RUSC2: variants seen among roughly 807,000 people sequenced by gnomAD.
The protein encoded by RUSC2 is AP-4 complex accessory subunit RUSC2.
Under a neutral mutation model 122.2 loss-of-function variants are expected in RUSC2, and 34 were observed. That is an observed-to-expected ratio of 0.28 (90% CI 0.21 to 0.37). RUSC2 has a LOEUF of 0.37. Among genes scored for constraint, RUSC2 ranks in the 10% least tolerant of loss-of-function variants. The pLI is 1.00. For missense variants in RUSC2, 1,747 were observed against 1,952.4 expected (o/e 0.89, Z 1.98); for synonymous variants, 784 against 790.0 (o/e 0.99, Z 0.13).
rs1261468137 is a variant in RUSC2 at position 35,557,925 on chromosome 9, G to A, written c.2995G>A (p.Ala999Thr). 4 of 1,614,210 alleles carry A rather than the reference G, an allele frequency of 2.5e-6. No individual in the cohort carries two copies. Among genetic ancestry groups the A allele is most frequent in the Non-Finnish European group, 3.4e-6 (4 of 1,180,024 alleles). ...DLLQKKGLVK[A>T]VNIAVDLIVA... ...ATTCTTCCCTGCAGGGCTGGTAAAA[G>A]CTGTTAACATCGCTGTGGACCTCAT... The change falls in exon 6 of 12, where the codon GCT (alanine) becomes ACT (threonine). Residue 999 changes from alanine (A) to threonine (T), a missense_variant. Ala to Thr is a moderately conservative substitution (Grantham distance 58). Coordinates refer to ENST00000361226, the MANE Select transcript of RUSC2 (RefSeq NM_014806.5). This position sits in a 1 kb window ranked among gnomAD's most constrained non-coding sequence, Gnocchi z 4.6.
rs773142366 is a variant in RUSC2 at position 35,561,427 on chromosome 9, G to GACTC, written c.*47_*50dup. 6.0e-6 allele frequency: 9 copies of GACTC among 1,511,774 alleles called. No individual in the cohort carries two copies. The Admixed American group carries it at 1.2e-4, about 20-fold the overall frequency. 93.6% of individuals were successfully genotyped at this position (1,511,774 alleles called of 1,614,324 possible). On this transcript the variant is annotated 3_prime_UTR_variant, in exon 12 of 12. Coordinates refer to ENST00000361226, the MANE Select transcript of RUSC2 (RefSeq NM_014806.5). ...GCCTCAGGGACCCTCATAACCCCCA[G>GACTC]ACTCAGAGCCCGAGAGCCCTTCCCA...
chr9:35,514,056 T>C (rs985179299), intron 1 of RUSC2, among the ~76,000 whole-genome samples: 12 of 151,794 alleles, frequency 7.9e-5, no homozygotes, highest in African/African-American at 2.4e-4. Context: ...CTTGAAAATT[T>C]CATTAATTCA....
chr9:35,522,959 C>G (rs868571722), intron 1 of RUSC2, among the ~76,000 whole-genome samples: 1 of 152,168 alleles, frequency 6.6e-6, no homozygotes, highest in Non-Finnish European at 1.5e-5. Flanking sequence ...GGTGAAAGGT[C>G]AGCAGAGTGA....
At chr9:35,543,483 G>C (rs1564261017) in intron 1 of RUSC2, among the ~76,000 whole-genome samples, 1 of 152,178 alleles carries the variant, frequency 6.6e-6, no homozygotes, top group Non-Finnish European at 1.5e-5. Flanking sequence ...ATACAAATTA[G>C]AAAATACAGC....
Position 35,546,693 on chromosome 9 carries a change from G to A in RUSC2, c.172G>A (p.Asp58Asn). The change falls in exon 2 of 12, where the codon GAC (aspartate) becomes AAC (asparagine). Residue 58 changes from aspartate (D) to asparagine (N), a missense_variant. By Grantham distance (23) the Asp-to-Asn change is conservative. Transcript: ENST00000361226. The surrounding 1 kb of genome is among the most constrained non-coding windows in gnomAD (Gnocchi z 4.3). ...GCTGGGCATCACCCAGCCCGATCAA[G>A]ACCTAGGACAAGCTGACTCCCTGCT... is the stretch of plus-strand genomic sequence containing the variant. ...PELGITQPDQDLGQADSLLFS... is the reference protein window; with the variant it reads ...PELGITQPDQNLGQADSLLFS... 3 of 1,561,458 alleles carry A rather than the reference G, an allele frequency of 1.9e-6. No homozygotes were observed. The South Asian group carries it at 3.7e-5, about 19-fold the overall frequency.
chr9:35,516,022 AAG>A (rs562839170), intron 1 of RUSC2, among the ~76,000 whole-genome samples: 35 of 127,194 alleles, frequency 2.8e-4, no homozygotes, highest in African/African-American at 9.7e-4. Flanking sequence ...AAAAAAAAAA[AAG>A]AGAAATGCGC....
At chr9:35,550,271 G>T (rs1821861847) in intron 2 of RUSC2, among the ~76,000 whole-genome samples, 1 of 152,106 alleles carries the variant, frequency 6.6e-6, no homozygotes, top group Non-Finnish European at 1.5e-5. Flanking sequence ...ACTGGAAGGG[G>T]TGTCTTCCTG....
intron 1 of RUSC2, among the ~76,000 whole-genome samples, chr9:35,541,001 A>T (rs1457729923): frequency 6.6e-6 from 1 of 152,194 alleles, no homozygotes; most frequent in African/African-American, 2.4e-5. Context: ...ATATAAATTA[A>T]TGGCACATAA....
chr9:35,537,036 T>A lies in RUSC2; in HGVS notation c.-92-9394T>A, dbSNP rs541510700. ...GTGGCCGAGGTTTATAATGTAACAG[T>A]ATTTGTGTTTTGTTTCTGGCTGGAA... is the stretch of plus-strand genomic sequence containing the variant. On this transcript the variant is annotated intron_variant, in intron 1 of 11. Transcript: ENST00000361226. Among the ~76,000 whole-genome samples, 13 of 152,146 alleles carry A rather than the reference T, an allele frequency of 8.5e-5. No homozygotes were observed. In the South Asian group the frequency reaches 2.3e-3, roughly 27 times the overall value.
chr9:35,529,602 G>A (rs1467061952), intron 1 of RUSC2, among the ~76,000 whole-genome samples: 3 of 150,844 alleles, frequency 2.0e-5, no homozygotes, highest in Non-Finnish European at 4.4e-5. Context: ...TGCAAGCCAC[G>A]TAAACCTATT....
At position 35,548,688 on chromosome 9, in the gene RUSC2, A is replaced by C. The variant is rs1821826349; in HGVS notation, c.2014+153A>C. On this transcript the variant is annotated intron_variant, in intron 2 of 11. Transcript: ENST00000361226. This position sits in a 1 kb window ranked among gnomAD's most constrained non-coding sequence, Gnocchi z 4.5. Reference sequence around the variant, plus strand: ...ATCCTTCTAGGCCAGGGCAGGACCCACAGCTACAGTGGAATAGGCTCACTG... The same window carrying C: ...ATCCTTCTAGGCCAGGGCAGGACCCCCAGCTACAGTGGAATAGGCTCACTG... The C allele has an allele frequency of 3.0e-6, 3 of 985,256 alleles. No individual in the cohort carries two copies. The African/African-American group carries it at 5.2e-5, about 17-fold the overall frequency. 61.0% of individuals were successfully genotyped at this position (985,256 alleles called of 1,614,324 possible).
At chr9:35,528,921 T>TA (rs111700169) in intron 1 of RUSC2, among the ~76,000 whole-genome samples, 2 of 151,838 alleles carry the variant, frequency 1.3e-5, no homozygotes, top group African/African-American at 2.4e-5. Context: ...CCCCCATCTT[T>TA]AAAAAAATTT....
intron 1 of RUSC2, among the ~76,000 whole-genome samples, chr9:35,535,534 CT>C (rs1174623935): frequency 1.4e-3 from 180 of 130,090 alleles, no homozygotes; most frequent in African/African-American, 2.8e-3. Flanking sequence ...AGGAGCTTCT[CT>C]TTTTTTTTTT....
At chr9:35,526,974 A>G (rs573141140) in intron 1 of RUSC2, among the ~76,000 whole-genome samples, 13 of 152,248 alleles carry the variant, frequency 8.5e-5, no homozygotes, top group African/African-American at 3.1e-4. Context: ...GATTATAAGT[A>G]TATTAAACAT....
intron 1 of RUSC2, among the ~76,000 whole-genome samples, chr9:35,509,727 TAA>T (rs1463992310): frequency 6.6e-6 from 1 of 152,210 alleles, no homozygotes; most frequent in East Asian, 1.9e-4. Context: ...GGATTCAGGT[TAA>T]AGAAAAGAGG....
At chr9:35,514,423 T>C (rs1241036516) in intron 1 of RUSC2, among the ~76,000 whole-genome samples, 1 of 152,128 alleles carries the variant, frequency 6.6e-6, no homozygotes, top group Admixed American at 6.5e-5. Flanking sequence ...CATATACCTT[T>C]AGGGAATTTG....
intron 1 of RUSC2, among the ~76,000 whole-genome samples, chr9:35,508,127 G>A (rs1820949515): frequency 6.6e-6 from 1 of 152,088 alleles, no homozygotes; most frequent in African/African-American, 2.4e-5. Context: ...GAAGGAAAAA[G>A]GAAGCCATCA....
chr9:35,550,089 G>A (rs1158234236), intron 2 of RUSC2, among the ~76,000 whole-genome samples: 8 of 151,862 alleles, frequency 5.3e-5, no homozygotes, highest in African/African-American at 9.7e-5. Context: ...GCGCATGCCT[G>A]TAATCCCAGC....
intron 1 of RUSC2, among the ~76,000 whole-genome samples, chr9:35,537,853 G>A (rs577841175): frequency 2.0e-5 from 3 of 152,182 alleles, no homozygotes; most frequent in Non-Finnish European, 2.9e-5. Context: ...GTGTTCAAGC[G>A]TAGCAGCAGG....
Sources: allele counts gnomAD v4.1 joint callset (sites outside exome capture counted in the v4.1 genomes callset), GRCh38; gene constraint gnomAD v4.1.1; non-coding constraint Gnocchi (gnomAD v3.1); transcripts MANE v1.5; gene names NCBI Gene and HGNC (gene_info 2026-07-23, HGNC 2026-07-21).